Variants in MAOA observed in about 807,000 individuals in gnomAD.
MAOA encodes amine oxidase [flavin-containing] A.
A neutral mutation model predicts 42.0 loss-of-function variants in MAOA; 6 were observed. That is an observed-to-expected ratio of 0.14 (90% CI 0.08 to 0.28). The LOEUF is 0.28. MAOA is among the 10% of genes least tolerant of loss of function. The pLI is 1.00. For missense variants in MAOA, 262 were observed against 422.3 expected (o/e 0.62, Z 3.33); for synonymous variants, 140 against 154.0 (o/e 0.91, Z 0.67).
chrX:43,713,737 C>T (rs1231560072), intron 5 of MAOA, among the ~76,000 whole-genome samples: 3 of 111,590 alleles, frequency 2.7e-5, no homozygotes, highest in African/African-American at 9.8e-5. Context: ...GTTCCTGTAA[C>T]AGGGAGAACC....
At chrX:43,737,314 A>G (rs2033927377) in intron 10 of MAOA, among the ~76,000 whole-genome samples, 1 of 111,382 alleles carries the variant, frequency 9.0e-6, no homozygotes, top group Non-Finnish European at 1.9e-5. Flanking sequence ...GGGTCCAGTG[A>G]TGGGGAATGA....
chrX:43,696,898 A>G (rs1231694777), intron 3 of MAOA, among the ~76,000 whole-genome samples: 1 of 112,382 alleles, frequency 8.9e-6, no homozygotes, highest in East Asian at 2.8e-4. Flanking sequence ...GGTGTGTGCT[A>G]AAACACATAC....
chrX:43,707,474 A>C (rs2033666767), intron 3 of MAOA, among the ~76,000 whole-genome samples: 3 of 111,944 alleles, frequency 2.7e-5, no homozygotes, highest in Non-Finnish European at 5.6e-5. Context: ...ACAAATGAAA[A>C]GGACAGACGT....
chrX:43,730,090 A>C (rs1167231354), intron 6 of MAOA, among the ~76,000 whole-genome samples: 1 of 107,228 alleles, frequency 9.3e-6, no homozygotes, highest in Non-Finnish European at 1.9e-5. Flanking sequence ...GCTACTCGGG[A>C]GGCCAAGGCA....
At chrX:43,730,180 G>A (rs1256253877) in intron 6 of MAOA, among the ~76,000 whole-genome samples, 2 of 95,408 alleles carry the variant, frequency 2.1e-5, no homozygotes, top group Admixed American at 1.2e-4. Context: ...GGCAATAAGA[G>A]TGAAACTCCG....
chrX:43,698,008 T>C (rs1285774922), intron 3 of MAOA, among the ~76,000 whole-genome samples: 1 of 112,393 alleles, frequency 8.9e-6, no homozygotes, highest in Non-Finnish European at 1.9e-5. Context: ...GGGTTAATAA[T>C]ACAAATTGTA....
chrX:43,718,199 G>T (rs901505383), intron 5 of MAOA, among the ~76,000 whole-genome samples: 1 of 107,520 alleles, frequency 9.3e-6, no homozygotes, highest in Non-Finnish European at 1.9e-5. Context: ...TGGGTGGATG[G>T]TATCTTCCAA....
chrX:43,727,944 T>A (rs763024444), intron 5 of MAOA, among the ~76,000 whole-genome samples: 6 of 112,007 alleles, frequency 5.4e-5, no homozygotes, highest in Non-Finnish European at 1.1e-4. Context: ...TGTTTGGCTG[T>A]CTTGCTGGAC....
At chrX:43,733,255 T>C (rs966493329) in intron 9 of MAOA, among the ~76,000 whole-genome samples, 2 of 112,618 alleles carry the variant, frequency 1.8e-5, no homozygotes, top group Non-Finnish European at 3.7e-5. Context: ...CCCTGAGATA[T>C]AAGACAGCTG....
chrX:43,670,708 T>C (rs1351230939), intron 1 of MAOA, among the ~76,000 whole-genome samples: 1 of 105,920 alleles, frequency 9.4e-6, no homozygotes, highest in African/African-American at 3.5e-5. Context: ...TTTGGTTTTT[T>C]GTCCTTGCGA....
chrX:43,680,570 C>T (rs911097857), intron 1 of MAOA, among the ~76,000 whole-genome samples: 2 of 110,606 alleles, frequency 1.8e-5, no homozygotes, highest in Non-Finnish European at 3.8e-5. Flanking sequence ...CCCATTCCCT[C>T]TCCTTTCTTC....
At chrX:43,655,448 C>T (rs1044481402), upstream of MAOA, 1 of 111,857 alleles carries the variant, frequency 8.9e-6, no homozygotes, top group Non-Finnish European at 1.9e-5. Flanking sequence ...AGAGTACTGA[C>T]TCCGACTCCA....
chrX:43,656,122 C>T (rs886619107), upstream of MAOA: 1 of 435,616 alleles, frequency 2.3e-6, no homozygotes, highest in Admixed American at 3.9e-5. Flanking sequence ...CAGTGCCCAG[C>T]TCCCCCCGGG....
chrX:43,663,487 T>A (rs1321739692), intron 1 of MAOA, among the ~76,000 whole-genome samples: 2 of 111,631 alleles, frequency 1.8e-5, no homozygotes, highest in African/African-American at 6.5e-5. Context: ...CCAAAGGGAC[T>A]GAAACAGAGG....
At chrX:43,725,184 T>C (rs775700291) in intron 5 of MAOA, among the ~76,000 whole-genome samples, 4 of 112,020 alleles carry the variant, frequency 3.6e-5, no homozygotes, top group African/African-American at 1.3e-4. Flanking sequence ...AGATGTCTGT[T>C]AGGTCCACTT....
chrX:43,708,668 T>G (rs1430589828), intron 3 of MAOA, among the ~76,000 whole-genome samples: 2 of 108,715 alleles, frequency 1.8e-5, no homozygotes, highest in East Asian at 5.7e-4. Flanking sequence ...TGTTGTTTTT[T>G]TTTTTTTTTC....
intron 3 of MAOA, among the ~76,000 whole-genome samples, chrX:43,710,582 G>A (rs778819710): frequency 8.9e-6 from 1 of 112,292 alleles, no homozygotes; most frequent in South Asian, 3.7e-4. Context: ...AAATTATCAT[G>A]CAAATTATAC....
At chrX:43,673,132 A>G (rs2147075513) in intron 1 of MAOA, among the ~76,000 whole-genome samples, 1 of 111,013 alleles carries the variant, frequency 9.0e-6, no homozygotes, top group East Asian at 2.8e-4. Context: ...TTATTGGTCT[A>G]TTCAGAGATT....
At chrX:43,703,304 C>T (rs2033637374) in intron 3 of MAOA, among the ~76,000 whole-genome samples, 1 of 111,739 alleles carries the variant, frequency 8.9e-6, no homozygotes, top group African/African-American at 3.3e-5. Flanking sequence ...TCTGCTTTGC[C>T]CTTTGCCCCT....
Sources: gnomAD v4.1 joint callset for allele counts (sites outside exome capture counted in the v4.1 genomes callset) on GRCh38, gnomAD v4.1.1 for gene constraint, MANE v1.5 for transcripts, NCBI Gene and HGNC (gene_info 2026-07-23, HGNC 2026-07-21) for gene names.